Variants in TM4SF4 observed in about 807,000 individuals in gnomAD.
TM4SF4 encodes the protein transmembrane 4 L6 family member 4.
In TM4SF4, 24 loss-of-function variants were observed where a neutral mutation model predicts 24.1. The ratio of observed to expected loss-of-function variants is 1.00; its 90% CI spans 0.72 to 1.40. TM4SF4 has a LOEUF of 1.40. TM4SF4 is among the 40% of genes most tolerant of loss of function. The pLI, the probability that TM4SF4 is intolerant of heterozygous loss-of-function variation, is 0.00. For synonymous variants in TM4SF4, 113 were observed against 97.0 expected, an observed-to-expected ratio of 1.17 and a Z score of -0.97; for missense variants, 254 against 254.2, an observed-to-expected ratio of 1.00 and a Z score of 0.01.
At chr3:149,478,295 G>A (rs1733971477) in intron 2 of TM4SF4, among the ~76,000 whole-genome samples, 1 of 152,062 alleles carries the variant, frequency 6.6e-6, no homozygotes, top group South Asian at 2.1e-4. Context: ...ACAGCCATGT[G>A]CCACCATGCC....
At chr3:149,486,740 G>A (rs771070814) in intron 2 of TM4SF4, among the ~76,000 whole-genome samples, 70 of 152,268 alleles carry the variant, frequency 4.6e-4, no homozygotes, top group Admixed American at 2.6e-4. Flanking sequence ...ATGCTCCGAG[G>A]GTGGAAGGGG....
chr3:149,482,763 C>G (rs1462752987), intron 2 of TM4SF4, among the ~76,000 whole-genome samples: 1 of 152,160 alleles, frequency 6.6e-6, no homozygotes, highest in East Asian at 1.9e-4. Context: ...AGGCTGGTCT[C>G]GAACTCCTGG....
intron 3 of TM4SF4, among the ~76,000 whole-genome samples, chr3:149,489,638 G>A (rs1301414049): frequency 1.3e-5 from 2 of 152,182 alleles, no homozygotes. Context: ...GCCAAACTGA[G>A]GGAAGGACAG....
chr3:149,496,422 C>T (rs1404806468), intron 3 of TM4SF4, among the ~76,000 whole-genome samples: 1 of 151,854 alleles, frequency 6.6e-6, no homozygotes, highest in African/African-American at 2.4e-5. Flanking sequence ...AACAACTTGA[C>T]CAAAAATCTG....
chr3:149,478,007 T>G (rs1733964977), intron 2 of TM4SF4, among the ~76,000 whole-genome samples: 1 of 152,202 alleles, frequency 6.6e-6, no homozygotes, highest in Non-Finnish European at 1.5e-5. Flanking sequence ...GGATCTTTTG[T>G]TTGCTTGATT....
Position 149,475,043 on chromosome 3 carries a change from G to A in TM4SF4, c.166G>A (p.Gly56Ser), listed in dbSNP as rs777281676. The A allele has an allele frequency of 1.1e-5, 17 of 1,603,534 alleles. No homozygotes were observed. The highest frequency in any genetic ancestry group is 3.4e-5 in the Admixed American group (2 of 58,144). The change falls in exon 1 of 5, where the codon GGT (glycine) becomes AGT (serine). Residue 56 changes from glycine (G) to serine (S), a missense_variant. Coordinates refer to ENST00000305354, the MANE Select transcript of TM4SF4 (RefSeq NM_004617.4). ...GTTTTTCGGAGGAATATTAGGAAGC[G>A]GTGTCTTGGTGAGTAGGGAAGCTTA... ...IWFFGGILGS[G>S]VLMIFPALVF... is the part of the protein sequence containing the mutation.
At chr3:149,501,901 G>T (rs552216752) in intron 4 of TM4SF4, among the ~76,000 whole-genome samples, 7 of 152,294 alleles carry the variant, frequency 4.6e-5, no homozygotes, top group African/African-American at 1.7e-4. Flanking sequence ...CATGCTATGA[G>T]ACCTGGTTTG....
At chr3:149,481,281 G>GAAGAGGAGGA (rs5853409) in intron 2 of TM4SF4, among the ~76,000 whole-genome samples, 39,141 of 151,872 alleles carry the variant, frequency 0.26, 5,429 homozygotes, top group Non-Finnish European at 0.31. Context: ...TGGTGTAAGG[G>GAAGAGGAGGA]AAGTACCAAC....
At chr3:149,498,459 C>A (rs1157174613) in intron 3 of TM4SF4, among the ~76,000 whole-genome samples, 2 of 152,026 alleles carry the variant, frequency 1.3e-5, no homozygotes, top group Non-Finnish European at 1.5e-5. Flanking sequence ...ATTTGTGAAA[C>A]CGAAAAAGAG....
At chr3:149,477,065 G>C (rs1733945618) in intron 2 of TM4SF4, among the ~76,000 whole-genome samples, 1 of 151,998 alleles carries the variant, frequency 6.6e-6, no homozygotes, top group African/African-American at 2.4e-5. Context: ...CTCCCAAAGT[G>C]CTGGGATTAC....
intron 2 of TM4SF4, among the ~76,000 whole-genome samples, chr3:149,476,815 T>C (rs1275323503): frequency 8.1e-5 from 2 of 24,752 alleles, no homozygotes; most frequent in African/African-American, 1.8e-4. Flanking sequence ...TTTGTTTTTG[T>C]TTTTTTTTTT....
intron 4 of TM4SF4, among the ~76,000 whole-genome samples, chr3:149,500,603 T>C (rs909270860): frequency 6.6e-6 from 1 of 152,220 alleles, no homozygotes; most frequent in African/African-American, 2.4e-5. Context: ...AGCATTTATA[T>C]CTTGTAATTC....
In TM4SF4 at chr3:149,496,823, G is replaced by T. The variant is rs1576522724; in HGVS notation, c.402-1899G>T. On this transcript the variant is annotated intron_variant, in intron 3 of 4. Coordinates refer to ENST00000305354, the MANE Select transcript of TM4SF4 (RefSeq NM_004617.4). ...ACTATACAGAAGGTATGTCATCTCA[G>T]TGAATTCTCACAATTGTGATGTGGT... Among the ~76,000 whole-genome samples, 3 of 151,768 alleles carry T rather than the reference G, an allele frequency of 2.0e-5. No individual in the cohort carries two copies. In the South Asian group the frequency reaches 6.2e-4, roughly 32 times the overall value.
At chr3:149,488,866 G>T (rs1044503665) in intron 3 of TM4SF4, among the ~76,000 whole-genome samples, 2 of 152,026 alleles carry the variant, frequency 1.3e-5, no homozygotes, top group Non-Finnish European at 2.9e-5. Context: ...GAATGGATTT[G>T]TGCCTAAAAA....
At chr3:149,494,565 T>C (rs1427151914) in intron 3 of TM4SF4, 1 of 144,920 alleles carries the variant, frequency 6.9e-6, no homozygotes, top group Non-Finnish European at 1.5e-5. Context: ...AACAGAAAGA[T>C]GGGTGTTTCA....
intron 4 of TM4SF4, among the ~76,000 whole-genome samples, chr3:149,501,865 G>A (rs755810422): frequency 2.0e-5 from 3 of 152,172 alleles, no homozygotes; most frequent in African/African-American, 4.8e-5. Context: ...TAAATGAAGT[G>A]GTAGTTGGGA....
rs181768625 is a variant in TM4SF4, at chr3:149,483,352, G to A, written c.265-4267G>A. ...CAGGTATGATGGCTCAGTAATCCCA[G>A]TACTGTAATCCCAGTATTTTGGGAG... On this transcript the variant is annotated intron_variant, in intron 2 of 4. Transcript: ENST00000305354. Among the ~76,000 whole-genome samples the A allele has an allele frequency of 3.9e-5, 6 of 152,174 alleles. No individual in the cohort carries two copies. The East Asian group carries it at 9.7e-4, about 24-fold the overall frequency.
chr3:149,491,512 TACACAC>T (rs1333444206), intron 3 of TM4SF4, among the ~76,000 whole-genome samples: 4 of 151,470 alleles, frequency 2.6e-5, no homozygotes, highest in African/African-American at 9.7e-5. Flanking sequence ...TATATATATA[TACACAC>T]ACACACATTT....
chr3:149,502,397 A>G (rs1490799189), intron 4 of TM4SF4, among the ~76,000 whole-genome samples: 1 of 152,206 alleles, frequency 6.6e-6, no homozygotes, highest in Admixed American at 6.5e-5. Flanking sequence ...AATTAAAAAC[A>G]AAATAAAACA....
Sources: allele counts gnomAD v4.1 joint callset (sites outside exome capture counted in the v4.1 genomes callset), GRCh38; gene constraint gnomAD v4.1.1; transcripts MANE v1.5; gene names NCBI Gene and HGNC (gene_info 2026-07-23, HGNC 2026-07-21).